The following INVS variants were observed in gnomAD, a reference collection of about 807,000 sequenced individuals.
INVS encodes the protein inversion of embryo turning homolog.
INVS carries 86 observed loss-of-function variants against 108.8 expected under a neutral mutation model. The ratio of observed to expected loss-of-function variants is 0.79; its 90% confidence interval spans 0.66 to 0.95. The LOEUF (loss-of-function observed/expected upper bound fraction) is 0.95. INVS is among the 40% of genes least tolerant of loss of function. INVS has a pLI of 0.00. For missense variants in INVS, 1,169 were observed against 1,297.4 expected (o/e 0.90, Z 1.52); for synonymous variants, 455 against 473.5 (o/e 0.96, Z 0.51).
At chr9:100,202,654 C>T (rs1447328957) in intron 3 of INVS, among the ~76,000 whole-genome samples, 1 of 152,166 alleles carries the variant, frequency 6.6e-6, no homozygotes, top group African/African-American at 2.4e-5. Context: ...CATTCATAGA[C>T]ATTGCTTACT....
intron 3 of INVS, among the ~76,000 whole-genome samples, chr9:100,140,788 T>C (rs1048566845): frequency 1.3e-5 from 2 of 152,076 alleles, no homozygotes; most frequent in Admixed American, 1.3e-4. Flanking sequence ...AGGGGTGATA[T>C]TGTGGGACTG....
intron 3 of INVS, among the ~76,000 whole-genome samples, chr9:100,159,115 C>T (rs753191706): frequency 1.5e-4 from 23 of 152,080 alleles, no homozygotes; most frequent in African/African-American, 4.6e-4. Context: ...GCCCAGCCTC[C>T]GGTATTCCTT....
chr9:100,290,135 G>A (rs964367997), intron 13 of INVS, among the ~76,000 whole-genome samples: 1 of 151,432 alleles, frequency 6.6e-6, no homozygotes, highest in Non-Finnish European at 1.5e-5. Context: ...GTGAAACATT[G>A]TAACAGCTCT....
intron 3 of INVS, among the ~76,000 whole-genome samples, chr9:100,195,672 G>C (rs1588080530): frequency 6.6e-6 from 1 of 151,960 alleles, no homozygotes; most frequent in Admixed American, 6.6e-5. Flanking sequence ...ATTTTTAGTA[G>C]ATACAGCATT....
intron 3 of INVS, among the ~76,000 whole-genome samples, chr9:100,183,848 T>C (rs1324767731): frequency 2.3e-5 from 3 of 131,220 alleles, no homozygotes; most frequent in Non-Finnish European, 5.0e-5. Flanking sequence ...TAGCTAAAGA[T>C]AAACAATTAT....
At chr9:100,144,242 G>T (rs1167954739) in intron 3 of INVS, among the ~76,000 whole-genome samples, 1 of 152,138 alleles carries the variant, frequency 6.6e-6, no homozygotes, top group Non-Finnish European at 1.5e-5. Flanking sequence ...TGGTGATGTG[G>T]CTGGGATATG....
At chr9:100,253,921 G>T (rs1247910562) in intron 10 of INVS, among the ~76,000 whole-genome samples, 1 of 152,138 alleles carries the variant, frequency 6.6e-6, no homozygotes, top group Non-Finnish European at 1.5e-5. Flanking sequence ...AATCCTTTGG[G>T]TATATGCCCA....
chr9:100,301,139 T>TCACACACACACACACACA lies in INVS; in HGVS notation c.*488_*505dup, dbSNP rs10527613. The TCACACACACACACACACA allele has an allele frequency of 5.4e-5, 9 of 167,568 alleles. No homozygotes were observed. Among genetic ancestry groups the TCACACACACACACACACA allele is most frequent in the African/African-American group, 2.9e-4 (8 of 27,728 alleles). The allele number at this position is 167,568 out of a possible 1,614,324, so 10.4% of individuals were successfully genotyped here. A position where few individuals can be genotyped will look rare whatever the true frequency, so the allele number is the denominator to read the frequency against. ...CCTGGCATCTAATGCAACAAACTTATCACACACACACACACACACACACAC... is the reference window on the plus strand; with the variant it reads ...CCTGGCATCTAATGCAACAAACTTATCACACACACACACACACACACACACACACACACACACACACAC... On this transcript the variant is annotated 3_prime_UTR_variant, in exon 17 of 17. Coordinates refer to ENST00000262457, the MANE Select transcript of INVS (RefSeq NM_014425.5).
chr9:100,288,937 C>T (rs995708589), intron 13 of INVS, among the ~76,000 whole-genome samples: 1 of 152,138 alleles, frequency 6.6e-6, no homozygotes, highest in South Asian at 2.1e-4. Context: ...CTGATTTGAT[C>T]TTTATGCTGA....
intron 3 of INVS, among the ~76,000 whole-genome samples, chr9:100,160,101 C>T (rs928206047): frequency 9.2e-5 from 14 of 152,174 alleles, no homozygotes; most frequent in Admixed American, 6.5e-4. Flanking sequence ...CAAATGAAGA[C>T]TATGAAGAGA....
intron 3 of INVS, chr9:100,129,572 C>A: frequency 1.9e-6 from 1 of 518,418 alleles, no homozygotes; most frequent in Non-Finnish European, 3.6e-6. Flanking sequence ...AAGACACTTT[C>A]ATAACTAGGC....
chr9:100,115,281 T>A lies in INVS; in HGVS notation c.106+10654T>A, dbSNP rs543021300. The stretch of plus-strand genomic sequence containing the variant: ...TTTTGGCCACCGTTTAATTTCTCTT[T>A]TTTTATTTTATTTTTATTTTATATA... On this transcript the variant is annotated intron_variant, in intron 2 of 16. Coordinates refer to ENST00000262457, the MANE Select transcript of INVS (RefSeq NM_014425.5). Among the ~76,000 whole-genome samples, 82 of 148,904 alleles carry A rather than the reference T, an allele frequency of 5.5e-4. 2 individuals are homozygous for A. The South Asian group carries it at 0.015, about 28-fold the overall frequency.
At chr9:100,266,548 C>T (rs13289936) in intron 11 of INVS, among the ~76,000 whole-genome samples, 10 of 152,186 alleles carry the variant, frequency 6.6e-5, no homozygotes, top group African/African-American at 1.9e-4. Context: ...AGGTCACTCT[C>T]GTCTCCATCT....
At chr9:100,212,206 G>A (rs1020141316) in intron 3 of INVS, among the ~76,000 whole-genome samples, 4 of 152,174 alleles carry the variant, frequency 2.6e-5, no homozygotes, top group Non-Finnish European at 2.9e-5. Flanking sequence ...CATACAAGAA[G>A]GCATTCTCCT....
intron 6 of INVS, 70 bp from the exon 7 acceptor site, chr9:100,242,500 C>A: frequency 1.1e-6 from 1 of 906,492 alleles, no homozygotes; most frequent in South Asian, 1.4e-5. Context: ...TTATCTTTTT[C>A]ATTTAAATAG....
intron 12 of INVS, among the ~76,000 whole-genome samples, chr9:100,283,346 A>G (rs1423952739): frequency 1.3e-5 from 2 of 152,176 alleles, no homozygotes; most frequent in Admixed American, 1.3e-4. Flanking sequence ...TTCTTCTATC[A>G]TATATTAGGT....
At chr9:100,246,937 A>G in intron 8 of INVS, 150 bp downstream of exon 8, 1 of 746,972 alleles carries the variant, frequency 1.3e-6, no homozygotes. Context: ...TGGGTTTGCC[A>G]GGATGTCACT....
chr9:100,247,004 T>G (rs574242670), intron 8 of INVS, among the ~76,000 whole-genome samples: 3 of 152,210 alleles, frequency 2.0e-5, no homozygotes, highest in South Asian at 2.1e-4. Context: ...TTCTACCAAA[T>G]GAATGGTTGC....
chr9:100,120,662 G>A (rs1036682573), intron 2 of INVS: 5 of 152,130 alleles, frequency 3.3e-5, no homozygotes, highest in Admixed American at 1.3e-4. Context: ...CCTCCTGTAA[G>A]GCAAACCATC....
Sources: gnomAD v4.1 joint callset for allele counts (sites outside exome capture counted in the v4.1 genomes callset) on GRCh38, gnomAD v4.1.1 for gene constraint, MANE v1.5 for transcripts, NCBI Gene and HGNC (gene_info 2026-07-23, HGNC 2026-07-21) for gene names.